SGCD: variants seen among roughly 807,000 people sequenced by gnomAD.
The protein encoded by SGCD is sarcoglycan delta.
A neutral mutation model predicts 36.6 loss-of-function variants in SGCD; 18 were observed. That is an observed-to-expected ratio of 0.49 (90% CI 0.34 to 0.73). SGCD has a LOEUF of 0.73. Among genes scored for constraint, SGCD ranks in the 30% least tolerant of loss-of-function variants. SGCD has a pLI of 0.01. For missense variants in SGCD, 387 were observed against 346.7 expected (o/e 1.12, Z -0.92); for synonymous variants, 133 against 130.6 (o/e 1.02, Z -0.12).
At chr5:156,479,713 G>C (rs1755341509) in intron 3 of SGCD, among the ~76,000 whole-genome samples, 1 of 152,154 alleles carries the variant, frequency 6.6e-6, no homozygotes, top group Non-Finnish European at 1.5e-5. Context: ...TAGGAAACAG[G>C]CCTGGCTTTC....
intron 4 of SGCD, among the ~76,000 whole-genome samples, chr5:156,569,296 AAAAAT>A (rs1390112391): frequency 6.6e-6 from 1 of 152,182 alleles, no homozygotes; most frequent in Non-Finnish European, 1.5e-5. Context: ...ACAGACAAAA[AAAAAT>A]AGACAATCAG....
chr5:156,355,762 G>A (rs1003184499), intron 3 of SGCD, among the ~76,000 whole-genome samples: 2 of 152,188 alleles, frequency 1.3e-5, no homozygotes, highest in African/African-American at 4.8e-5. Context: ...TCAGCCTCCT[G>A]AGTAGCTGGG....
rs1283949828 is a variant in SGCD at position 156,760,186 on chromosome 5, T to C, written c.*796T>C. On this transcript the variant is annotated 3_prime_UTR_variant, in exon 9 of 9. Transcript: ENST00000337851. ...GTTCCTCAGTGAGCTGGAAGCTACTTAATGGCCTGATGGGCAATGAACAAA... is the reference window on the plus strand; with the variant it reads ...GTTCCTCAGTGAGCTGGAAGCTACTCAATGGCCTGATGGGCAATGAACAAA... The C allele has an allele frequency of 2.6e-5, 4 of 152,184 alleles. No homozygotes were observed. The highest frequency in any genetic ancestry group is 5.9e-5 in the Non-Finnish European group (4 of 68,040). 9.4% of individuals were successfully genotyped at this position (152,184 alleles called of 1,614,324 possible).
chr5:156,757,263 CAAAAAAAAA>C (rs34767809), intron 7 of SGCD, among the ~76,000 whole-genome samples: 66 of 69,394 alleles, frequency 9.5e-4, no homozygotes, highest in Middle Eastern at 0.021. Flanking sequence ...CTTACTTTTA[CAAAAAAAAA>C]AAAAAAAAAA....
intron 4 of SGCD, among the ~76,000 whole-genome samples, chr5:156,566,266 A>G (rs1390080886): frequency 6.6e-6 from 1 of 152,214 alleles, no homozygotes; most frequent in Admixed American, 6.5e-5. Flanking sequence ...TTTTAAAAAA[A>G]CATGTCTACC....
intron 7 of SGCD, among the ~76,000 whole-genome samples, chr5:156,694,097 A>G (rs1754215947): frequency 6.6e-6 from 1 of 152,172 alleles, no homozygotes; most frequent in African/African-American, 2.4e-5. Context: ...TTTGAACTCT[A>G]AGAGGTTCTA....
chr5:156,083,479 G>T (rs1390674162), intron 1 of SGCD, among the ~76,000 whole-genome samples: 2 of 151,522 alleles, frequency 1.3e-5, no homozygotes, highest in Non-Finnish European at 2.9e-5. Flanking sequence ...ATTTTTAGTA[G>T]AGGCAGGGTT....
At chr5:156,190,053 A>G (rs1427190473) in intron 3 of SGCD, among the ~76,000 whole-genome samples, 2 of 152,176 alleles carry the variant, frequency 1.3e-5, no homozygotes, top group Admixed American at 6.5e-5. Context: ...AGACCTACAT[A>G]TGGGCATTTC....
Position 156,759,198 on chromosome 5 carries a change from T to G in SGCD, c.700-19T>G. On this transcript the variant is annotated intron_variant, in intron 8 of 8. Coordinates refer to ENST00000337851, the MANE Select transcript of SGCD (RefSeq NM_000337.6). ...GACAGCCTCTGACCAATGCTTTCCTTCCTATTCTCTGTCTTTAGATTAAGT... is the reference window on the plus strand; with the variant it reads ...GACAGCCTCTGACCAATGCTTTCCTGCCTATTCTCTGTCTTTAGATTAAGT... 6.2e-7 allele frequency: 1 copy of G among 1,607,950 alleles called. No individual in the cohort carries two copies. The highest frequency in any genetic ancestry group is 1.7e-5 in the Admixed American group (1 of 59,986).
intron 3 of SGCD, among the ~76,000 whole-genome samples, chr5:156,244,168 C>G (rs1765381461): frequency 6.6e-6 from 1 of 152,070 alleles, no homozygotes; most frequent in African/African-American, 2.4e-5. Context: ...GCAACCCTGT[C>G]AAAGATGCAA....
the SGCD span, among the ~76,000 whole-genome samples, chr5:155,826,094 G>C: frequency 8.5e-5 from 13 of 152,316 alleles, no homozygotes; most frequent in African/African-American, 3.1e-4. Context: ...CTGAAAAGGT[G>C]AATCCTATTG....
At chr5:156,330,102 T>C (rs1161778449) in intron 2 of SGCD, among the ~76,000 whole-genome samples, 1 of 149,510 alleles carries the variant, frequency 6.7e-6, no homozygotes, top group African/African-American at 2.5e-5. Context: ...AATCCAAAAA[T>C]CTGAACTCTG....
intron 3 of SGCD, among the ~76,000 whole-genome samples, chr5:156,184,074 C>T (rs1309643558): frequency 1.3e-5 from 2 of 152,176 alleles, no homozygotes; most frequent in Non-Finnish European, 2.9e-5. Flanking sequence ...ATCCTCAGAA[C>T]ACTTACAGTA....
chr5:156,050,916 A>T (rs757577668), intron 1 of SGCD, among the ~76,000 whole-genome samples: 1 of 146,532 alleles, frequency 6.8e-6, no homozygotes, highest in South Asian at 2.1e-4. Flanking sequence ...AATCCAGGCT[A>T]ATCTTCCCAC....
intron 6 of SGCD, among the ~76,000 whole-genome samples, chr5:156,623,926 C>G (rs1427233240): frequency 6.6e-6 from 1 of 152,146 alleles, no homozygotes; most frequent in Non-Finnish European, 1.5e-5. Context: ...TAAGCAAGGT[C>G]CTCTGGCCTA....
chr5:155,974,791 C>T (rs946659605), intron 1 of SGCD, among the ~76,000 whole-genome samples: 7 of 151,902 alleles, frequency 4.6e-5, no homozygotes, highest in African/African-American at 1.7e-4. Context: ...GGACAGTGGA[C>T]CCTTGAAGGG....
At chr5:155,890,591 G>C (rs1756102111) in intron 1 of SGCD, among the ~76,000 whole-genome samples, 2 of 151,972 alleles carry the variant, frequency 1.3e-5, no homozygotes, top group Non-Finnish European at 2.9e-5. Context: ...CTGGGTGACA[G>C]TGATACCCTG....
intron 4 of SGCD, among the ~76,000 whole-genome samples, chr5:156,576,871 G>T (rs551023283): frequency 4.0e-4 from 61 of 152,154 alleles, no homozygotes; most frequent in Non-Finnish European, 7.5e-4. Flanking sequence ...TAGGTTACCT[G>T]TTCACTCTGA....
chr5:155,864,500 TAAAA>T, the SGCD span, among the ~76,000 whole-genome samples: 1 of 150,612 alleles, frequency 6.6e-6, no homozygotes, highest in Admixed American at 6.6e-5. Flanking sequence ...TTAATTAAAT[TAAAA>T]AAAAAGGAGG....
Sources: allele counts gnomAD v4.1 joint callset (sites outside exome capture counted in the v4.1 genomes callset), GRCh38; gene constraint gnomAD v4.1.1; transcripts MANE v1.5; gene names NCBI Gene and HGNC (gene_info 2026-07-23, HGNC 2026-07-21).